Variants in MICOS10 observed in about 807,000 individuals in gnomAD.
MICOS10 encodes the protein mitochondrial contact site and cristae organizing system subunit 10.
Under a neutral mutation model 13.4 loss-of-function variants are expected in MICOS10, and 5 were observed. That is an observed-to-expected ratio of 0.37 (90% CI 0.20 to 0.78). The LOEUF is 0.78. Among genes scored for constraint, MICOS10 ranks in the 30% least tolerant of loss-of-function variants. The pLI, the probability that MICOS10 is intolerant of heterozygous loss-of-function variation, is 0.47. For missense variants in MICOS10, 101 were observed against 94.6 expected, an observed-to-expected ratio of 1.07 and a Z score of -0.28; for synonymous variants, 35 against 33.6, an observed-to-expected ratio of 1.04 and a Z score of -0.15.
chr1:19,610,164 C>G, intron 1 of MICOS10, among the ~76,000 whole-genome samples: 1 of 151,698 alleles, frequency 6.6e-6, no homozygotes, highest in East Asian at 1.9e-4. Context: ...AAAGCATAGC[C>G]CATAATTCTT....
chr1:19,623,400 G>A lies in MICOS10; in HGVS notation c.113-74G>A, dbSNP rs1570509637. Reference sequence around the variant, plus strand: ...AATATTTATTGAACCCTAAGTAAATGTATTTAAGAGGATGGGGAGCTTTAT... The same window carrying A: ...AATATTTATTGAACCCTAAGTAAATATATTTAAGAGGATGGGGAGCTTTAT... On this transcript the variant is annotated intron_variant, in intron 2 of 3. Coordinates refer to ENST00000322753, the MANE Select transcript of MICOS10 (RefSeq NM_001032363.4). The A allele has an allele frequency of 8.3e-6, 7 of 846,976 alleles. No individual in the cohort carries two copies. In the East Asian group the frequency reaches 1.5e-4, roughly 18 times the overall value. The allele number at this position is 846,976 out of a possible 1,614,324, so 52.5% of individuals were successfully genotyped here. A position where few individuals can be genotyped will look rare whatever the true frequency, so the allele number is the denominator to read the frequency against.
At chr1:19,608,479 G>A (rs745356117) in intron 1 of MICOS10, 123 of 1,247,542 alleles carry the variant, frequency 9.9e-5, no homozygotes, top group African/African-American at 2.3e-4. Context: ...TTGCCTGCTC[G>A]GGTATGAAGA....
intron 1 of MICOS10, among the ~76,000 whole-genome samples, chr1:19,616,609 T>C (rs2094885298): frequency 6.6e-6 from 1 of 152,200 alleles, no homozygotes; most frequent in South Asian, 2.1e-4. Context: ...CAGAGTAACA[T>C]AGTCATAAAT....
intron 1 of MICOS10, among the ~76,000 whole-genome samples, chr1:19,617,623 A>G (rs1471204801): frequency 6.6e-6 from 1 of 152,176 alleles, no homozygotes. Context: ...TGTGTCTTGG[A>G]AATGTAATTC....
chr1:19,603,187 CG>C (rs1335262215), intron 1 of MICOS10, among the ~76,000 whole-genome samples: 1 of 151,984 alleles, frequency 6.6e-6, no homozygotes, highest in Non-Finnish European at 1.5e-5. Flanking sequence ...AAAAATTAGC[CG>C]GGCATGGTGG....
intron 1 of MICOS10, among the ~76,000 whole-genome samples, chr1:19,619,840 C>A (rs897640800): frequency 1.3e-5 from 2 of 152,212 alleles, no homozygotes; most frequent in African/African-American, 4.8e-5. Flanking sequence ...CAGAGCATGG[C>A]CCTGTGCCTA....
At chr1:19,602,840 A>G (rs927083287) in intron 1 of MICOS10, among the ~76,000 whole-genome samples, 8 of 152,206 alleles carry the variant, frequency 5.3e-5, no homozygotes, top group South Asian at 4.1e-4. Context: ...TTATCAACCT[A>G]GGAGACTTTA....
chr1:19,597,002 G>C lies in MICOS10; in HGVS notation c.-44G>C. On this transcript the variant is annotated 5_prime_UTR_variant, in exon 1 of 4. Transcript: ENST00000322753. ...TCGCGAGACTTTCAGGGGTCGGAGC[G>C]CGGGGGCCGGCCGAGAGGAAAGCTG... The C allele has an allele frequency of 6.4e-7, 1 of 1,562,872 alleles. No homozygotes were observed. Among genetic ancestry groups the C allele is most frequent in the Non-Finnish European group, 8.6e-7 (1 of 1,157,918 alleles).
At chr1:19,622,248 TG>T in intron 2 of MICOS10, 101 bp downstream of exon 2, 1 of 860,804 alleles carries the variant, frequency 1.2e-6, no homozygotes, top group Non-Finnish European at 1.8e-6. Context: ...ATTTGTGGGT[TG>T]CCAACCCATC....
chr1:19,602,556 A>G (rs2094819447), intron 1 of MICOS10, among the ~76,000 whole-genome samples: 1 of 152,240 alleles, frequency 6.6e-6, no homozygotes, highest in African/African-American at 2.4e-5. Flanking sequence ...CCAAAGCCTT[A>G]TTGCAGGAAA....
At chr1:19,605,764 G>C (rs2094832189) in intron 1 of MICOS10, among the ~76,000 whole-genome samples, 1 of 152,096 alleles carries the variant, frequency 6.6e-6, no homozygotes, top group Non-Finnish European at 1.5e-5. Flanking sequence ...GTTTTGCCCA[G>C]GCTGGTCTCA....
intron 1 of MICOS10, among the ~76,000 whole-genome samples, chr1:19,605,373 C>T (rs140950348): frequency 9.9e-5 from 15 of 152,088 alleles, no homozygotes; most frequent in Non-Finnish European, 1.9e-4. Flanking sequence ...TTTTAGCTTC[C>T]CCCAAAAGAA....
intron 1 of MICOS10, among the ~76,000 whole-genome samples, chr1:19,604,339 C>G (rs1266785219): frequency 6.6e-6 from 1 of 152,100 alleles, no homozygotes; most frequent in Non-Finnish European, 1.5e-5. Context: ...GAAACCCAGT[C>G]TCTACTAGAC....
rs372781214 is a variant in MICOS10 at position 19,597,033 on chromosome 1, G to T, written c.-13G>T. On this transcript the variant is annotated 5_prime_UTR_variant, in exon 1 of 4. Coordinates refer to ENST00000322753, the MANE Select transcript of MICOS10 (RefSeq NM_001032363.4). Reference sequence around the variant, plus strand: ...GCCGGCCGAGAGGAAAGCTGGAGGCGCGGGTGGGGAACATGTCTGAGTCGG... The same window carrying T: ...GCCGGCCGAGAGGAAAGCTGGAGGCTCGGGTGGGGAACATGTCTGAGTCGG... 34 of 1,580,076 alleles carry T rather than the reference G, an allele frequency of 2.2e-5. No individual in the cohort carries two copies. Among genetic ancestry groups the T allele is most frequent in the Non-Finnish European group, 2.9e-5 (34 of 1,166,658 alleles).
intron 1 of MICOS10, chr1:19,601,214 A>G (rs2094813451): frequency 2.9e-6 from 1 of 350,306 alleles, no homozygotes. Flanking sequence ...ATAGAAAATT[A>G]TCATATGATT....
intron 1 of MICOS10, chr1:19,617,384 T>A (rs1210857632): frequency 1.2e-6 from 1 of 830,658 alleles, no homozygotes; most frequent in Non-Finnish European, 1.5e-6. Context: ...TCCTAAATGC[T>A]CTTTGTCAGT....
chr1:19,614,383 T>G (rs1399836166), intron 1 of MICOS10: 1 of 142,870 alleles, frequency 7.0e-6, no homozygotes, highest in African/African-American at 3.0e-5. Flanking sequence ...CACTCTCTCT[T>G]TCACACACAC....
rs1157412971 is a variant in MICOS10 at position 19,629,365 on chromosome 1, A to C, written c.*2964A>C. 6.6e-6 allele frequency: 1 copy of C among 152,252 alleles called. No individual in the cohort carries two copies. The highest frequency in any genetic ancestry group is 1.5e-5 in the Non-Finnish European group (1 of 68,034). The allele number at this position is 152,252 out of a possible 1,614,324, so 9.4% of individuals were successfully genotyped here. A position where few individuals can be genotyped will look rare whatever the true frequency, so the allele number is the denominator to read the frequency against. On this transcript the variant is annotated 3_prime_UTR_variant, in exon 4 of 4. Transcript: ENST00000322753. ...CCCAAAAGTGGCCTGCTCTGCCAAC[A>C]TACATAAATACATACAGTCTGAGCT...
intron 1 of MICOS10, among the ~76,000 whole-genome samples, chr1:19,607,211 A>G (rs1437723378): frequency 2.0e-5 from 3 of 152,270 alleles, no homozygotes; most frequent in East Asian, 1.9e-4. Context: ...GACCAAAAAT[A>G]CTTTTTCCAT....
Sources: gnomAD v4.1 joint callset for allele counts (sites outside exome capture counted in the v4.1 genomes callset) on GRCh38, gnomAD v4.1.1 for gene constraint, MANE v1.5 for transcripts, NCBI Gene and HGNC (gene_info 2026-07-23, HGNC 2026-07-21) for gene names.